Variants in IL1RAPL2 observed in about 807,000 individuals in gnomAD.
The protein encoded by IL1RAPL2 is X-linked interleukin-1 receptor accessory protein-like 2.
Under a neutral mutation model 44.1 loss-of-function variants are expected in IL1RAPL2, and 3 were observed. The observed-to-expected ratio is 0.07, with a 90% CI of 0.03 to 0.18. The LOEUF is 0.18. Ranked by LOEUF, IL1RAPL2 falls within the 10% of genes least tolerant of loss-of-function variation. The pLI, the probability that IL1RAPL2 is intolerant of heterozygous loss-of-function variation, is 1.00. For synonymous variants in IL1RAPL2, 181 were observed against 178.8 expected, an observed-to-expected ratio of 1.01 and a Z score of -0.10; for missense variants, 391 against 496.4, an observed-to-expected ratio of 0.79 and a Z score of 2.02.
chrX:104,814,078 CA>C (rs772258551), intron 2 of IL1RAPL2, among the ~76,000 whole-genome samples: 5 of 110,894 alleles, frequency 4.5e-5, no homozygotes, highest in Non-Finnish European at 7.6e-5. Context: ...GCATGGGTAC[CA>C]GGGGTAAGGA....
At chrX:105,633,483 G>C (rs2037504428) in intron 6 of IL1RAPL2, among the ~76,000 whole-genome samples, 1 of 111,292 alleles carries the variant, frequency 9.0e-6, no homozygotes, top group Non-Finnish European at 1.9e-5. Context: ...AACTGCTTGA[G>C]TCTCGAAAAT....
chrX:104,868,913 G>A (rs1361539042), intron 2 of IL1RAPL2, among the ~76,000 whole-genome samples: 5 of 111,734 alleles, frequency 4.5e-5, no homozygotes, highest in African/African-American at 1.3e-4. Flanking sequence ...TTCCCCTTTC[G>A]TGTTAACTTT....
intron 2 of IL1RAPL2, among the ~76,000 whole-genome samples, chrX:104,747,369 C>T (rs1028383376): frequency 1.4e-4 from 16 of 111,058 alleles, no homozygotes; most frequent in Non-Finnish European, 2.8e-4. Context: ...CTCTTTCCTT[C>T]AACAATTACT....
intron 1 of IL1RAPL2, among the ~76,000 whole-genome samples, chrX:104,630,015 G>A (rs181990885): frequency 3.6e-5 from 4 of 110,904 alleles, no homozygotes; most frequent in East Asian, 2.8e-4. Flanking sequence ...ATGGAATCTC[G>A]CTCTGTCACC....
At chrX:105,741,709 A>G (rs2147576863) in intron 8 of IL1RAPL2, among the ~76,000 whole-genome samples, 1 of 111,958 alleles carries the variant, frequency 8.9e-6, no homozygotes, top group Admixed American at 9.5e-5. Flanking sequence ...AAATAAAGGC[A>G]TATTTAAGTG....
At chrX:105,497,937 C>G in intron 6 of IL1RAPL2, among the ~76,000 whole-genome samples, 1 of 112,022 alleles carries the variant, frequency 8.9e-6, no homozygotes, top group Admixed American at 9.5e-5. Flanking sequence ...AAATAGTCCA[C>G]AGCTAACATC....
intron 7 of IL1RAPL2, among the ~76,000 whole-genome samples, chrX:105,720,078 G>A (rs1404160678): frequency 1.8e-5 from 2 of 111,624 alleles, no homozygotes; most frequent in African/African-American, 6.5e-5. Flanking sequence ...ATAGTTAGTA[G>A]CAGAAGTTCC....
intron 5 of IL1RAPL2, among the ~76,000 whole-genome samples, chrX:105,402,926 TTTTA>T (rs1219799600): frequency 8.9e-6 from 1 of 111,974 alleles, no homozygotes; most frequent in African/African-American, 3.2e-5. Context: ...TTCTAGCTTA[TTTTA>T]TTTATCTTTC....
intron 2 of IL1RAPL2, among the ~76,000 whole-genome samples, chrX:105,029,194 CT>C (rs921896891): frequency 2.4e-4 from 23 of 95,122 alleles, no homozygotes; most frequent in Admixed American, 3.4e-4. Context: ...TGTTAAGAGT[CT>C]TTTTTTTTTA....
intron 2 of IL1RAPL2, among the ~76,000 whole-genome samples, chrX:104,879,815 A>T (rs1292103139): frequency 9.0e-6 from 1 of 111,419 alleles, no homozygotes; most frequent in African/African-American, 3.3e-5. Context: ...CAGTCATATG[A>T]TTTGTTTGGG....
chrX:105,168,638 T>A (rs2033393951), intron 2 of IL1RAPL2, among the ~76,000 whole-genome samples: 1 of 110,170 alleles, frequency 9.1e-6, no homozygotes, highest in Non-Finnish European at 1.9e-5. Flanking sequence ...TCAGCAGTCT[T>A]GAGACAGAGG....
In IL1RAPL2 at chrX:104,654,704, G is replaced by A. The variant is rs772581411; in HGVS notation, c.-19-4191G>A. 1.4e-4 allele frequency among the ~76,000 whole-genome samples: 16 copies of A among 111,115 alleles called. No individual in the cohort carries two copies. The South Asian group carries it at 1.5e-3, about 11-fold the overall frequency. On this transcript the variant is annotated intron_variant, in intron 1 of 10. Transcript: ENST00000372582. Reference sequence around the variant, plus strand: ...TTTTAAAGTAGTTTTTTCCAATTCCGTGAAGAAAGTCATTGGTAGGTTGAT... The same window carrying A: ...TTTTAAAGTAGTTTTTTCCAATTCCATGAAGAAAGTCATTGGTAGGTTGAT...
chrX:104,947,988 A>G (rs1197317953), intron 2 of IL1RAPL2, among the ~76,000 whole-genome samples: 1 of 111,280 alleles, frequency 9.0e-6, no homozygotes, highest in Non-Finnish European at 1.9e-5. Context: ...ATGGCATTGA[A>G]TCTATAAATT....
At chrX:104,853,093 G>C (rs1345191597) in intron 2 of IL1RAPL2, among the ~76,000 whole-genome samples, 1 of 112,061 alleles carries the variant, frequency 8.9e-6, no homozygotes, top group Non-Finnish European at 1.9e-5. Flanking sequence ...GTAGTTAAAT[G>C]TAATTTAAGT....
intron 2 of IL1RAPL2, among the ~76,000 whole-genome samples, chrX:105,193,874 C>A: frequency 9.0e-6 from 1 of 111,645 alleles, no homozygotes; most frequent in East Asian, 2.8e-4. Flanking sequence ...TTGTTTATTT[C>A]TAATGAATAC....
At chrX:105,455,673 G>C (rs1301154910) in intron 5 of IL1RAPL2, among the ~76,000 whole-genome samples, 1 of 111,522 alleles carries the variant, frequency 9.0e-6, no homozygotes, top group African/African-American at 3.3e-5. Flanking sequence ...CTGTTCCATT[G>C]GTCTATGTGT....
intron 1 of IL1RAPL2, among the ~76,000 whole-genome samples, chrX:104,579,986 G>A (rs1396837563): frequency 9.0e-6 from 1 of 111,416 alleles, no homozygotes; most frequent in Non-Finnish European, 1.9e-5. Context: ...ATCCATTGAT[G>A]TGCAGGACTC....
At chrX:105,425,452 C>T (rs2035802370) in intron 5 of IL1RAPL2, among the ~76,000 whole-genome samples, 2 of 102,159 alleles carry the variant, frequency 2.0e-5, no homozygotes, top group South Asian at 9.5e-4. Flanking sequence ...CCCACCCCCA[C>T]CTCAGGAATT....
intron 2 of IL1RAPL2, among the ~76,000 whole-genome samples, chrX:104,905,372 C>T (rs1923956855): frequency 9.0e-6 from 1 of 111,208 alleles, no homozygotes; most frequent in East Asian, 2.8e-4. Context: ...ACATGAAGTC[C>T]TTGCCCATGT....
Sources: gnomAD v4.1 joint callset for allele counts (sites outside exome capture counted in the v4.1 genomes callset) on GRCh38, gnomAD v4.1.1 for gene constraint, MANE v1.5 for transcripts, NCBI Gene and HGNC (gene_info 2026-07-23, HGNC 2026-07-21) for gene names.